The following PTPRD variants were observed in gnomAD, a reference collection of about 807,000 sequenced individuals.
PTPRD encodes receptor-type tyrosine-protein phosphatase delta.
PTPRD carries 34 observed loss-of-function variants against 214.5 expected under a neutral mutation model. The ratio of observed to expected loss-of-function variants is 0.16; its 90% CI spans 0.12 to 0.21. The LOEUF is 0.21. Ranked by LOEUF, PTPRD falls within the 10% of genes least tolerant of loss-of-function variation. The pLI is 1.00. For synonymous variants in PTPRD, 1,128 were observed against 845.7 expected, an observed-to-expected ratio of 1.33 and a Z score of -5.79; for missense variants, 2,545 against 2,398.7, an observed-to-expected ratio of 1.06 and a Z score of -1.27.
At chr9:9,593,410 G>C (rs567667247) in intron 7 of PTPRD, among the ~76,000 whole-genome samples, 1 of 151,422 alleles carries the variant, frequency 6.6e-6, no homozygotes, top group Non-Finnish European at 1.5e-5. Flanking sequence ...CTTGAGTATT[G>C]AGCAATTTAA....
At chr9:8,593,286 A>C (rs2154266653) in intron 14 of PTPRD, among the ~76,000 whole-genome samples, 1 of 152,332 alleles carries the variant, frequency 6.6e-6, no homozygotes, top group East Asian at 1.9e-4. Flanking sequence ...CACCTGATAC[A>C]GAAGATGCTT....
At chr9:8,670,461 G>T (rs978054883) in intron 12 of PTPRD, among the ~76,000 whole-genome samples, 3 of 152,032 alleles carry the variant, frequency 2.0e-5, no homozygotes, top group African/African-American at 7.2e-5. Flanking sequence ...GCAATATTTT[G>T]CTTTCTGTGT....
chr9:9,182,551 T>C (rs1188414782), intron 10 of PTPRD, among the ~76,000 whole-genome samples: 1 of 152,002 alleles, frequency 6.6e-6, no homozygotes, highest in Non-Finnish European at 1.5e-5. Flanking sequence ...AGAGAAAGAA[T>C]ATGGGAATTG....
At chr9:8,770,700 T>G (rs1187193060) in intron 11 of PTPRD, among the ~76,000 whole-genome samples, 2 of 152,178 alleles carry the variant, frequency 1.3e-5, no homozygotes, top group African/African-American at 4.8e-5. Context: ...TATTGTATGT[T>G]TTATGTAATG....
At chr9:9,991,832 CCACACA>C (rs56267970) in intron 4 of PTPRD, among the ~76,000 whole-genome samples, 41,388 of 147,390 alleles carry the variant, frequency 0.28, 5,722 homozygotes, top group South Asian at 0.32. Flanking sequence ...TTCAACAGCA[CCACACA>C]CACACACACA....
chr9:9,415,306 T>C (rs564208970), intron 8 of PTPRD, among the ~76,000 whole-genome samples: 1 of 152,038 alleles, frequency 6.6e-6, no homozygotes, highest in South Asian at 2.1e-4. Flanking sequence ...AAACTCCATC[T>C]CTACTGAAAA....
intron 3 of PTPRD, among the ~76,000 whole-genome samples, chr9:10,260,398 C>G (rs1367330334): frequency 1.3e-5 from 2 of 152,158 alleles, no homozygotes; most frequent in Non-Finnish European, 2.9e-5. Context: ...TTTGTGTACT[C>G]CAGGTCTCAG....
At chr9:10,571,825 T>C (rs779336649) in intron 2 of PTPRD, among the ~76,000 whole-genome samples, 6 of 152,052 alleles carry the variant, frequency 3.9e-5, no homozygotes, top group Non-Finnish European at 8.8e-5. Flanking sequence ...CAGTTCACAA[T>C]AGGGTTCATG....
At chr9:10,278,017 G>A (rs997855452) in intron 3 of PTPRD, among the ~76,000 whole-genome samples, 2 of 151,978 alleles carry the variant, frequency 1.3e-5, no homozygotes, top group Admixed American at 6.6e-5. Flanking sequence ...AAAATTGGCC[G>A]GGTGTGGTGG....
intron 5 of PTPRD, among the ~76,000 whole-genome samples, chr9:9,881,605 C>G (rs16930482): frequency 6.6e-6 from 1 of 152,100 alleles, no homozygotes; most frequent in Non-Finnish European, 1.5e-5. Flanking sequence ...AGCTTTGGAA[C>G]TTCAGTTAGC....
intron 3 of PTPRD, among the ~76,000 whole-genome samples, chr9:10,214,764 C>A (rs781391958): frequency 1.6e-4 from 25 of 152,082 alleles, no homozygotes; most frequent in Non-Finnish European, 2.6e-4. Flanking sequence ...AAGATTTTCT[C>A]CATTATCCTT....
At chr9:8,946,333 C>T (rs72706302) in intron 11 of PTPRD, among the ~76,000 whole-genome samples, 1 of 152,042 alleles carries the variant, frequency 6.6e-6, no homozygotes, top group Admixed American at 6.6e-5. Flanking sequence ...ACCCCCCCAC[C>T]ACCCCAAGGA....
chr9:8,561,215 C>T (rs571270825), intron 14 of PTPRD, among the ~76,000 whole-genome samples: 6 of 152,190 alleles, frequency 3.9e-5, no homozygotes, highest in South Asian at 4.1e-4. Flanking sequence ...GTGGTGTCTT[C>T]GCTTTAATCT....
At chr9:9,079,663 G>A (rs576471497) in intron 10 of PTPRD, among the ~76,000 whole-genome samples, 13 of 152,152 alleles carry the variant, frequency 8.5e-5, no homozygotes, top group African/African-American at 3.1e-4. Context: ...TATCTCCTCT[G>A]GGAGGTGACA....
At chr9:8,376,579 A>C in intron 38 of PTPRD, 28 bp downstream of exon 38, 2 of 1,611,978 alleles carry the variant, frequency 1.2e-6, no homozygotes, top group Non-Finnish European at 8.5e-7. Flanking sequence ...GAGAAGGGAA[A>C]GGGAGGAGAA....
At chr9:9,263,326 T>C (rs574764452) in intron 9 of PTPRD, among the ~76,000 whole-genome samples, 7 of 151,826 alleles carry the variant, frequency 4.6e-5, no homozygotes, top group African/African-American at 1.7e-4. Context: ...GGAATAGACA[T>C]TGTCTTTTCC....
intron 9 of PTPRD, among the ~76,000 whole-genome samples, chr9:9,231,156 C>A (rs1325573372): frequency 1.3e-5 from 2 of 152,062 alleles, no homozygotes; most frequent in Non-Finnish European, 2.9e-5. Flanking sequence ...CTGTCTGCTA[C>A]TATTGGTGAG....
At chr9:9,083,429 A>C (rs2099762072) in intron 10 of PTPRD, among the ~76,000 whole-genome samples, 1 of 152,218 alleles carries the variant, frequency 6.6e-6, no homozygotes, top group Middle Eastern at 3.2e-3. Context: ...CTTCAATGTA[A>C]GACCCCATAC....
chr9:10,194,343 TATAGAGAGAGAGAGAGAGAGAGAGAGAG>T (rs1290646196), intron 3 of PTPRD, among the ~76,000 whole-genome samples: 4,675 of 41,028 alleles, frequency 0.11, 149 homozygotes, highest in Non-Finnish European at 0.14. Flanking sequence ...TATATATATA[TATAGAGAGAGAGAGAGAGAGAGAGAGAG>T]AGAGAGAGAG....
Sources: gnomAD v4.1 joint callset for allele counts (sites outside exome capture counted in the v4.1 genomes callset) on GRCh38, gnomAD v4.1.1 for gene constraint, MANE v1.5 for transcripts, NCBI Gene and HGNC (gene_info 2026-07-23, HGNC 2026-07-21) for gene names.